RBFOX3: variants seen among roughly 807,000 people sequenced by gnomAD.
RBFOX3 encodes the protein RNA binding protein fox-1 homolog 3.
A neutral mutation model predicts 48.7 loss-of-function variants in RBFOX3; 17 were observed. The ratio of observed to expected loss-of-function variants is 0.35; its 90% CI spans 0.24 to 0.52. RBFOX3 has a LOEUF of 0.52. Ranked by LOEUF, RBFOX3 falls within the 20% of genes least tolerant of loss-of-function variation. RBFOX3 has a pLI of 0.94. For synonymous variants in RBFOX3, 212 were observed against 209.5 expected, an observed-to-expected ratio of 1.01 and a Z score of -0.10; for missense variants, 382 against 497.5, an observed-to-expected ratio of 0.77 and a Z score of 2.21.
intron 14 of RBFOX3, among the ~76,000 whole-genome samples, chr17:79,091,107 G>A (rs1426313420): frequency 6.6e-6 from 1 of 152,242 alleles, no homozygotes; most frequent in Non-Finnish European, 1.5e-5. Context: ...CTGGGGCCCT[G>A]AGGAGGAGAC....
At chr17:79,222,554 G>A (rs1442852305) in intron 4 of RBFOX3, among the ~76,000 whole-genome samples, 1 of 152,332 alleles carries the variant, frequency 6.6e-6, no homozygotes, top group East Asian at 1.9e-4. Flanking sequence ...GCCCCTTGCC[G>A]AGGCCAGTGA....
chr17:79,555,746 T>C (rs1401483536), intron 1 of RBFOX3, among the ~76,000 whole-genome samples: 13 of 152,216 alleles, frequency 8.5e-5, no homozygotes, highest in African/African-American at 2.4e-4. Context: ...ATTATGATAG[T>C]AGTGGTGGTG....
intron 2 of RBFOX3, among the ~76,000 whole-genome samples, chr17:79,445,394 G>A (rs985489572): frequency 2.0e-5 from 3 of 152,152 alleles, no homozygotes; most frequent in South Asian, 2.1e-4. Flanking sequence ...TTCCACGTGC[G>A]GGAGGCACTG....
At chr17:79,167,994 G>A (rs1048337072) in intron 4 of RBFOX3, among the ~76,000 whole-genome samples, 1 of 152,258 alleles carries the variant, frequency 6.6e-6, no homozygotes, top group Non-Finnish European at 1.5e-5. Context: ...GGGGGGCAGT[G>A]GGGGTCCCCG....
chr17:79,564,104 C>A (rs929220103), intron 1 of RBFOX3, among the ~76,000 whole-genome samples: 1 of 152,308 alleles, frequency 6.6e-6, no homozygotes, highest in East Asian at 1.9e-4. Flanking sequence ...CAAGGTCACA[C>A]AGCTAAGGAA....
chr17:79,136,729 C>G (rs2040295499), intron 4 of RBFOX3, among the ~76,000 whole-genome samples: 1 of 152,180 alleles, frequency 6.6e-6, no homozygotes, highest in African/African-American at 2.4e-5. Flanking sequence ...GACCTGATGT[C>G]TCAGTCCTCT....
intron 14 of RBFOX3, among the ~76,000 whole-genome samples, chr17:79,093,834 C>A (rs555036630): frequency 6.8e-6 from 1 of 147,800 alleles, no homozygotes; most frequent in Non-Finnish European, 1.5e-5. Context: ...CACAGAGACA[C>A]GCCACGCCGC....
At chr17:79,117,131 C>T (rs1400192538) in intron 4 of RBFOX3, among the ~76,000 whole-genome samples, 1 of 152,232 alleles carries the variant, frequency 6.6e-6, no homozygotes, top group African/African-American at 2.4e-5. Context: ...GCAGACACAG[C>T]CTGGGGCCCA....
At chr17:79,506,402 G>A (rs1007540719) in intron 1 of RBFOX3, among the ~76,000 whole-genome samples, 7 of 152,238 alleles carry the variant, frequency 4.6e-5, no homozygotes, top group African/African-American at 1.4e-4. Flanking sequence ...AATTCAAGGC[G>A]ATGCCGAGCG....
intron 13 of RBFOX3, 32 bp downstream of exon 13, chr17:79,095,481 T>G: frequency 6.5e-7 from 1 of 1,538,178 alleles, no homozygotes; most frequent in Middle Eastern, 1.7e-4. Flanking sequence ...CTCCCCACCC[T>G]GCTCCAGAAC....
the RBFOX3 span, among the ~76,000 whole-genome samples, chr17:79,646,687 A>G: frequency 6.6e-6 from 1 of 152,152 alleles, no homozygotes; most frequent in Non-Finnish European, 1.5e-5. Context: ...GGGTGGGGGC[A>G]CAGCCAAACC....
At chr17:79,323,510 G>A (rs1404330138) in intron 2 of RBFOX3, among the ~76,000 whole-genome samples, 3 of 152,188 alleles carry the variant, frequency 2.0e-5, no homozygotes, top group Admixed American at 6.5e-5. Context: ...TGATGATAAC[G>A]GTAGCACGTT....
intron 2 of RBFOX3, among the ~76,000 whole-genome samples, chr17:79,446,708 A>C (rs1440020566): frequency 6.6e-6 from 1 of 152,186 alleles, no homozygotes; most frequent in African/African-American, 2.4e-5. Flanking sequence ...AGTGGGTATA[A>C]ATCTGACTGC....
chr17:79,188,407 TTATC>T (rs1475221005), intron 4 of RBFOX3, among the ~76,000 whole-genome samples: 1 of 152,210 alleles, frequency 6.6e-6, no homozygotes, highest in Non-Finnish European at 1.5e-5. Flanking sequence ...GGAAGTTTAT[TTATC>T]TGTTTAATTA....
At chr17:79,625,317 G>A in the RBFOX3 span, among the ~76,000 whole-genome samples, 7,103 of 152,226 alleles carry the variant, frequency 0.047, 561 homozygotes, top group African/African-American at 0.16. Flanking sequence ...CCAGAGATGC[G>A]GCCATGCCCT....
chr17:79,543,687 C>T (rs1280539013), intron 1 of RBFOX3, among the ~76,000 whole-genome samples: 1 of 152,226 alleles, frequency 6.6e-6, no homozygotes, highest in Admixed American at 6.5e-5. Flanking sequence ...ATGAAGCATG[C>T]TGGGCACGTT....
the RBFOX3 span, among the ~76,000 whole-genome samples, chr17:79,620,331 GCACA>G: frequency 1.4e-5 from 2 of 141,600 alleles, no homozygotes; most frequent in African/African-American, 2.7e-5. Context: ...ATACACGCAC[GCACA>G]CAGACATGCA....
At chr17:79,595,647 C>T (rs1026766122) in intron 1 of RBFOX3, among the ~76,000 whole-genome samples, 1 of 152,268 alleles carries the variant, frequency 6.6e-6, no homozygotes, top group Middle Eastern at 3.4e-3. Context: ...GCATGCCAGC[C>T]GCGCAGAGGG....
chr17:79,324,472 C>T (rs1473139417), intron 2 of RBFOX3, among the ~76,000 whole-genome samples: 2 of 152,234 alleles, frequency 1.3e-5, no homozygotes, highest in African/African-American at 4.8e-5. Flanking sequence ...TGGCACACAG[C>T]CCTCCCATTG....
Sources: allele counts gnomAD v4.1 joint callset (sites outside exome capture counted in the v4.1 genomes callset), GRCh38; gene constraint gnomAD v4.1.1; transcripts MANE v1.5; gene names NCBI Gene and HGNC (gene_info 2026-07-23, HGNC 2026-07-21).